Variants in CRISPLD2 observed in about 807,000 individuals in gnomAD.
The protein encoded by CRISPLD2 is cysteine rich secretory protein LCCL domain containing 2, also known as cysteine-rich secretory protein LCCL domain-containing 2.
In CRISPLD2, 47 loss-of-function variants were observed where a neutral mutation model predicts 71.1. The observed-to-expected ratio is 0.66, with a 90% CI of 0.52 to 0.84. The LOEUF is 0.84. CRISPLD2 is among the 40% of genes least tolerant of loss of function. The pLI, the probability that CRISPLD2 is intolerant of heterozygous loss-of-function variation, is 0.00. For synonymous variants in CRISPLD2, 317 were observed against 250.1 expected, an observed-to-expected ratio of 1.27 and a Z score of -2.52; for missense variants, 830 against 651.1, an observed-to-expected ratio of 1.27 and a Z score of -2.99.
chr16:84,845,164 G>A (rs1916877554), intron 2 of CRISPLD2, among the ~76,000 whole-genome samples: 1 of 152,200 alleles, frequency 6.6e-6, no homozygotes, highest in Admixed American at 6.5e-5. Flanking sequence ...ACTGGCTGTG[G>A]GACCCAGGGA....
At chr16:84,845,695 A>G (rs961012348) in intron 2 of CRISPLD2, 91 bp from the exon 3 acceptor site, 3 of 861,120 alleles carry the variant, frequency 3.5e-6, no homozygotes, top group South Asian at 1.6e-5. Context: ...TAGGCTCCAC[A>G]GGAGCCCAGG....
In CRISPLD2 at chr16:84,837,810, TG is replaced by T. The variant is rs564888281; in HGVS notation, c.-74-611del. Among the ~76,000 whole-genome samples the T allele has an allele frequency of 6.4e-3, 970 of 152,212 alleles. 10 individuals are homozygous for T. The highest frequency in any genetic ancestry group is 0.023 in the African/African-American group (948 of 41,524). ...GAGAATAACATAAACGACCGGCCTG[TG>T]TAGGTGCTGATGAAGGGTTTTCTGA... On this transcript the variant is annotated intron_variant, in intron 1 of 14. Transcript: ENST00000262424.
At chr16:84,844,934 G>A (rs890920663) in intron 2 of CRISPLD2, among the ~76,000 whole-genome samples, 2 of 152,216 alleles carry the variant, frequency 1.3e-5, no homozygotes, top group Admixed American at 6.5e-5. Flanking sequence ...GATGAGGACA[G>A]TGAGGCTCAG....
intron 1 of CRISPLD2, among the ~76,000 whole-genome samples, chr16:84,822,813 T>C (rs1480793272): frequency 6.6e-6 from 1 of 151,974 alleles, no homozygotes; most frequent in African/African-American, 2.4e-5. Flanking sequence ...TGGTGGTTAA[T>C]AGGATGGGCC....
chr16:84,878,238 G>C (rs1056067963), intron 12 of CRISPLD2, among the ~76,000 whole-genome samples: 1 of 151,890 alleles, frequency 6.6e-6, no homozygotes, highest in African/African-American at 2.4e-5. Context: ...AAAGAAAAAA[G>C]TACACAATGT....
chr16:84,875,923 A>G (rs113598350), intron 11 of CRISPLD2, among the ~76,000 whole-genome samples: 4 of 152,156 alleles, frequency 2.6e-5, no homozygotes, highest in Admixed American at 2.0e-4. Flanking sequence ...TCCCCATTGA[A>G]TAGAAGTCCC....
intron 3 of CRISPLD2, among the ~76,000 whole-genome samples, chr16:84,847,985 C>G (rs904157531): frequency 1.3e-5 from 2 of 152,184 alleles, no homozygotes; most frequent in African/African-American, 4.8e-5. Context: ...TTGTCTTTGT[C>G]TCACTTGAAT....
At chr16:84,880,617 C>T in intron 13 of CRISPLD2, 33 bp downstream of exon 13, 4 of 1,584,570 alleles carry the variant, frequency 2.5e-6, no homozygotes, top group Non-Finnish European at 3.5e-6. Flanking sequence ...AACTATCTCG[C>T]AAAGCCTGTT....
intron 13 of CRISPLD2, among the ~76,000 whole-genome samples, chr16:84,886,141 C>T (rs1448281157): frequency 6.6e-6 from 1 of 152,140 alleles, no homozygotes; most frequent in Non-Finnish European, 1.5e-5. Flanking sequence ...CTGCCCACCT[C>T]GGCCTCCCAA....
intron 8 of CRISPLD2, among the ~76,000 whole-genome samples, chr16:84,869,849 C>T (rs1448695192): frequency 1.3e-5 from 2 of 152,238 alleles, no homozygotes; most frequent in African/African-American, 4.8e-5. Flanking sequence ...TAGCATCACC[C>T]CTGAGTAGTA....
At chr16:84,863,812 T>C (rs1168656895) in intron 6 of CRISPLD2, among the ~76,000 whole-genome samples, 1 of 151,412 alleles carries the variant, frequency 6.6e-6, no homozygotes, top group Non-Finnish European at 1.5e-5. Context: ...CTACTAAAAA[T>C]ACACAATTAG....
At chr16:84,825,490 G>T (rs913097747) in intron 1 of CRISPLD2, among the ~76,000 whole-genome samples, 1 of 152,100 alleles carries the variant, frequency 6.6e-6, no homozygotes, top group African/African-American at 2.4e-5. Flanking sequence ...GCGCAGTGGC[G>T]TACACCTATA....
intron 14 of CRISPLD2, among the ~76,000 whole-genome samples, chr16:84,905,510 C>T (rs1255094495): frequency 6.6e-6 from 1 of 151,988 alleles, no homozygotes; most frequent in African/African-American, 2.4e-5. Context: ...AGTGATTCTC[C>T]TGCCTCAACC....
At chr16:84,820,943 G>T (rs1005927945) in intron 1 of CRISPLD2, among the ~76,000 whole-genome samples, 2 of 152,226 alleles carry the variant, frequency 1.3e-5, no homozygotes, top group African/African-American at 4.8e-5. Flanking sequence ...TGCAGACCCA[G>T]AGCCTCCCTT....
At chr16:84,836,056 G>GCCCT (rs1916610045) in intron 1 of CRISPLD2, 1 of 152,174 alleles carries the variant, frequency 6.6e-6, no homozygotes, top group African/African-American at 2.4e-5. Context: ...GTGATGGGTT[G>GCCCT]CAGTCAAAAC....
chr16:84,893,835 C>G (rs548247968), intron 14 of CRISPLD2, among the ~76,000 whole-genome samples: 2 of 152,192 alleles, frequency 1.3e-5, no homozygotes, highest in East Asian at 1.9e-4. Context: ...GAGCTTATTC[C>G]CAATAGGGGC....
At chr16:84,885,812 CTTTTT>C (rs781115960) in intron 13 of CRISPLD2, among the ~76,000 whole-genome samples, 1 of 95,770 alleles carries the variant, frequency 1.0e-5, no homozygotes, top group Non-Finnish European at 2.1e-5. Context: ...TGGATCCCTT[CTTTTT>C]TTTTTTTTTT....
intron 13 of CRISPLD2, among the ~76,000 whole-genome samples, chr16:84,886,450 G>A (rs980473316): frequency 7.9e-5 from 12 of 152,156 alleles, no homozygotes; most frequent in Admixed American, 2.0e-4. Context: ...GGCCTCTCTC[G>A]AGGGGGCACT....
chr16:84,835,301 G>T (rs1029220067), intron 1 of CRISPLD2, among the ~76,000 whole-genome samples: 3 of 152,048 alleles, frequency 2.0e-5, no homozygotes, highest in Non-Finnish European at 4.4e-5. Context: ...TGTTGGCCAG[G>T]CTGGTGTCGA....
Sources: gnomAD v4.1 joint callset for allele counts (sites outside exome capture counted in the v4.1 genomes callset) on GRCh38, gnomAD v4.1.1 for gene constraint, MANE v1.5 for transcripts, NCBI Gene and HGNC (gene_info 2026-07-23, HGNC 2026-07-21) for gene names.